ADGRB2: variants seen among roughly 807,000 people sequenced by gnomAD.
ADGRB2 encodes the protein brain-specific angiogenesis inhibitor 2.
ADGRB2 carries 47 observed loss-of-function variants against 178.7 expected under a neutral mutation model. The ratio of observed to expected loss-of-function variants is 0.26; its 90% confidence interval spans 0.21 to 0.34. The LOEUF is 0.34. Among genes scored for constraint, ADGRB2 ranks in the 10% least tolerant of loss-of-function variants. The pLI is 1.00. For synonymous variants in ADGRB2, 870 were observed against 912.4 expected, an observed-to-expected ratio of 0.95 and a Z score of 0.84; for missense variants, 1,584 against 2,180.8, an observed-to-expected ratio of 0.73 and a Z score of 5.45.
intron 18 of ADGRB2, 71 bp from the exon 19 acceptor site, chr1:31,737,826 A>T: frequency 7.2e-7 from 1 of 1,380,436 alleles, no homozygotes; most frequent in Non-Finnish European, 1.0e-6. Context: ...CTGTCCCCTC[A>T]TCTACCATAG....
At position 31,756,424 on chromosome 1, in the gene ADGRB2, C is replaced by T. The variant is rs199501243; in HGVS notation, c.413G>A (p.Gly138Glu). 3 of 1,612,326 alleles carry T rather than the reference C, an allele frequency of 1.9e-6. No individual in the cohort carries two copies. The highest frequency in any genetic ancestry group is 2.5e-6 in the Non-Finnish European group (3 of 1,179,508). The change falls in exon 4 of 33, where the codon GGG becomes GAG. Residue 138 changes from glycine (G) to glutamate (E), a missense_variant. Physicochemically the swap from Gly to Glu is moderately conservative, Grantham distance 98. This residue lies in a region of ADGRB2 where 657 missense variants were observed against 847.6 expected (regional missense o/e 0.78). Transcript: ENST00000373658. This position sits in a 1 kb window ranked among gnomAD's most constrained non-coding sequence, Gnocchi z 8.5. Reference protein sequence around the residue: ...PEEEEAEAAAGLELCSGSGPF... With the variant: ...PEEEEAEAAAELELCSGSGPF... ...GCCTGAGCCGCTGCACAGCTCCAAC[C>T]CCGCTGCCGCCTCTGCCTCCTCCTC... is the stretch of plus-strand genomic sequence containing the variant.
At chr1:31,748,767 T>G (rs1471069532) in intron 4 of ADGRB2, among the ~76,000 whole-genome samples, 1 of 152,254 alleles carries the variant, frequency 6.6e-6, no homozygotes, top group Non-Finnish European at 1.5e-5. Context: ...CTTCCCCACT[T>G]GACCACCTGA....
At chr1:31,745,804 C>T (rs1373192983) in intron 4 of ADGRB2, among the ~76,000 whole-genome samples, 5 of 152,220 alleles carry the variant, frequency 3.3e-5, no homozygotes, top group Non-Finnish European at 7.4e-5. Flanking sequence ...CCTCTTCCTG[C>T]CCCCTGCTGC....
rs746391385 is a variant in ADGRB2 at position 31,727,381 on chromosome 1, T to G, written c.*39A>C. 3.6e-5 allele frequency: 56 copies of G among 1,551,308 alleles called. No homozygotes were observed. Among genetic ancestry groups the G allele is most frequent in the South Asian group, 1.5e-4 (12 of 81,300 alleles). On this transcript the variant is annotated 3_prime_UTR_variant, in exon 33 of 33. Transcript: ENST00000373658. The surrounding 1 kb of genome is among the most constrained non-coding windows in gnomAD (Gnocchi z 4.4). The stretch of plus-strand genomic sequence containing the variant: ...AAAGTGGAGTGTGAAAATAGAGAGA[T>G]ATATATATTTATATGCAGTGGGCAG...
chr1:31,752,386 G>A (rs1449134869), intron 4 of ADGRB2, among the ~76,000 whole-genome samples: 3 of 152,286 alleles, frequency 2.0e-5, no homozygotes, highest in African/African-American at 7.2e-5. Flanking sequence ...ACCACCGTGT[G>A]TGCTGGGTCT....
rs561008332 is a variant in ADGRB2, at chr1:31,739,209, C to T, written c.2495+99G>A. ...GGTTCCTGAAGGTGGAGGAGGCTGC[C>T]ATGGATCTCTCTGCAGCCAGCACTG... On this transcript the variant is annotated intron_variant, in intron 15 of 32. Transcript: ENST00000373658. The T allele has an allele frequency of 1.6e-5, 20 of 1,267,482 alleles. No homozygotes were observed. The African/African-American group carries it at 2.7e-4, about 17-fold the overall frequency. 78.5% of individuals were successfully genotyped at this position (1,267,482 alleles called of 1,614,324 possible).
At chr1:31,732,495 C>T in intron 27 of ADGRB2, 22 bp downstream of exon 27, 2 of 1,613,340 alleles carry the variant, frequency 1.2e-6, no homozygotes, top group Non-Finnish European at 1.7e-6. Flanking sequence ...CTGCCCAGGC[C>T]CTGCCCAGGC....
rs1646674180 is a variant in ADGRB2, at chr1:31,753,355, G to A, written c.838+2644C>T. Among the ~76,000 whole-genome samples, 1 of 152,192 alleles carries A rather than the reference G, an allele frequency of 6.6e-6. No individual in the cohort carries two copies. Among genetic ancestry groups the A allele is most frequent in the South Asian group, 2.1e-4 (1 of 4,834 alleles). On this transcript the variant is annotated intron_variant, in intron 4 of 32. Coordinates refer to ENST00000373658, the MANE Select transcript of ADGRB2 (RefSeq NM_001364857.2). This position sits in a 1 kb window ranked among gnomAD's most constrained non-coding sequence, Gnocchi z 4.1. Reference sequence around the variant, plus strand: ...AAAGGCAGTTTGCGTGAAATTAACAGGCGCCTGTACCCTCTTGTCAAACTC... The same window carrying A: ...AAAGGCAGTTTGCGTGAAATTAACAAGCGCCTGTACCCTCTTGTCAAACTC...
At position 31,728,269 on chromosome 1, in the gene ADGRB2, G is replaced by A. The variant is rs1429640224; in HGVS notation, c.4428C>T (p.His1476=). 1 of 1,613,968 alleles carries A rather than the reference G, an allele frequency of 6.2e-7. No individual in the cohort carries two copies. The highest frequency in any genetic ancestry group is 1.7e-5 in the Admixed American group (1 of 60,022). The change falls in exon 31 of 33, where the codon CAC becomes CAT. Residue 1476 remains histidine (H), a synonymous_variant. Coordinates refer to ENST00000373658, the MANE Select transcript of ADGRB2 (RefSeq NM_001364857.2). This position sits in a 1 kb window ranked among gnomAD's most constrained non-coding sequence, Gnocchi z 6.7. The part of the protein sequence containing the change: ...YSDLDFEKVM[H]TRKRHSELYH... Reference sequence around the variant, plus strand: ...AGAGTTCTGAATGCCGTTTCCGGGTGTGCATCACCTTCTAGGGGCCACAGG... The same window carrying A: ...AGAGTTCTGAATGCCGTTTCCGGGTATGCATCACCTTCTAGGGGCCACAGG...
Position 31,755,951 on chromosome 1 carries a change from T to A in ADGRB2, c.838+48A>T. On this transcript the variant is annotated intron_variant, in intron 4 of 32. Transcript: ENST00000373658. The surrounding 1 kb of genome is among the most constrained non-coding windows in gnomAD (Gnocchi z 5.1). ...CTGCCAGGATGGACACCAGGGACAC[T>A]GTCAGCCCCTGCAGACCCCGCCCCA... 1 of 1,559,140 alleles carries A rather than the reference T, an allele frequency of 6.4e-7. No individual in the cohort carries two copies. The highest frequency in any genetic ancestry group is 8.7e-7 in the Non-Finnish European group (1 of 1,148,878).
chr1:31,734,250 T>G (rs1385530084), intron 25 of ADGRB2, among the ~76,000 whole-genome samples: 1 of 152,194 alleles, frequency 6.6e-6, no homozygotes, highest in Non-Finnish European at 1.5e-5. Flanking sequence ...TTACATATAT[T>G]ACTTCAAATC....
At chr1:31,738,565 C>G in intron 17 of ADGRB2, 22 bp downstream of exon 17, 1 of 1,600,538 alleles carries the variant, frequency 6.2e-7, no homozygotes, top group South Asian at 1.1e-5. Flanking sequence ...CCTTCCTCAC[C>G]CAGAGGAGCC....
At chr1:31,732,846 G>T in intron 26 of ADGRB2, 126 bp downstream of exon 26, 1 of 1,324,402 alleles carries the variant, frequency 7.6e-7, no homozygotes, top group Non-Finnish European at 1.0e-6. Context: ...CCACAGTAAG[G>T]GCTGCCCAGA....
intron 16 of ADGRB2, 41 bp downstream of exon 16, chr1:31,738,791 G>C: frequency 6.2e-7 from 1 of 1,609,646 alleles, no homozygotes; most frequent in Non-Finnish European, 8.5e-7. Flanking sequence ...GGCCACCCAG[G>C]TTGAGGTGCA....
intron 25 of ADGRB2, among the ~76,000 whole-genome samples, chr1:31,734,958 G>A (rs1388874071): frequency 6.6e-6 from 1 of 152,200 alleles, no homozygotes; most frequent in Admixed American, 6.5e-5. Context: ...CGGGATCCAA[G>A]GGTGGGCGAA....
rs903056909 is a variant in ADGRB2 at position 31,741,026 on chromosome 1, T to C, written c.1794+347A>G. On this transcript the variant is annotated intron_variant, in intron 11 of 32. Coordinates refer to ENST00000373658, the MANE Select transcript of ADGRB2 (RefSeq NM_001364857.2). This position sits in a 1 kb window ranked among gnomAD's most constrained non-coding sequence, Gnocchi z 6.5. ...AACATGTACACACATTCACTGATGC[T>C]ACTCTTACCCCATGACTGGCCCTGG... Among the ~76,000 whole-genome samples, 3 of 152,102 alleles carry C rather than the reference T, an allele frequency of 2.0e-5. No homozygotes were observed. The highest frequency in any genetic ancestry group is 2.0e-4 in the Admixed American group (3 of 15,278).
At chr1:31,746,767 G>A (rs1217206489) in intron 4 of ADGRB2, among the ~76,000 whole-genome samples, 1 of 152,086 alleles carries the variant, frequency 6.6e-6, no homozygotes, top group Non-Finnish European at 1.5e-5. Flanking sequence ...CGTGGCCTGG[G>A]CCTGCATCCC....
At chr1:31,732,204 CAG>C (rs746869426) in intron 27 of ADGRB2, 50 bp from the exon 28 acceptor site, 19 of 1,611,680 alleles carry the variant, frequency 1.2e-5, no homozygotes, top group Admixed American at 1.7e-5. Context: ...ATTAATGTAT[CAG>C]GGTGGGAGGA....
At position 31,731,094 on chromosome 1, in the gene ADGRB2, C is replaced by A; in HGVS notation, c.4086G>T (p.Gln1362His). ...MVLPRRTLSL[Q>H]PGGGGGGGED... ...CACCACCTCCACCCCCACCGCCAGGCTGCAGGCTCAAAGTCCGCCGGGGCA... is the reference window on the plus strand; with the variant it reads ...CACCACCTCCACCCCCACCGCCAGGATGCAGGCTCAAAGTCCGCCGGGGCA... Residue 1362 changes from glutamine to histidine, a missense_variant, in exon 29 of 33, where the codon CAG becomes CAT. Gln to His is a conservative substitution (Grantham distance 24). Around this residue, in one of 3 missense-constraint regions of ADGRB2, gnomAD observed 865 missense variants for 1,192.8 expected, o/e 0.73. Transcript: ENST00000373658. 6.3e-7 allele frequency: 1 copy of A among 1,576,062 alleles called. No individual in the cohort carries two copies.
Sources: allele counts gnomAD v4.1 joint callset (sites outside exome capture counted in the v4.1 genomes callset), GRCh38; gene constraint gnomAD v4.1.1; regional missense constraint gnomAD v4.1.1; non-coding constraint Gnocchi (gnomAD v3.1); transcripts MANE v1.5; gene names NCBI Gene and HGNC (gene_info 2026-07-23, HGNC 2026-07-21).